EPHB2: variants seen among roughly 807,000 people sequenced by gnomAD.
EPHB2 encodes ephrin type-B receptor 2.
In EPHB2, 18 loss-of-function variants were observed where a neutral mutation model predicts 96.4. That is an observed-to-expected ratio of 0.19 (90% CI 0.13 to 0.28). The LOEUF is 0.28. Among genes scored for constraint, EPHB2 ranks in the 10% least tolerant of loss-of-function variants. The probability of loss-of-function intolerance (pLI) is 1.00; values close to 1 mark genes in which losing one functional copy is unlikely to be tolerated. For missense variants in EPHB2, 989 were observed against 1,355.4 expected (o/e 0.73, Z 4.25); for synonymous variants, 506 against 534.1 (o/e 0.95, Z 0.72).
chr1:22,866,109 C>T (rs767379359), intron 5 of EPHB2, among the ~76,000 whole-genome samples: 2 of 152,198 alleles, frequency 1.3e-5, no homozygotes, highest in Non-Finnish European at 2.9e-5. Context: ...CTCATCCCCC[C>T]ACCTGAGGGC....
In EPHB2 at chr1:22,914,894, G is replaced by A. The variant is rs1441435087; in HGVS notation, c.*1324G>A. ...GATTGAGGAGGAAGTGGGCTCTGAG[G>A]CTGCAGGGCTGGAAGTCCTTGCCCA... On this transcript the variant is annotated 3_prime_UTR_variant, in exon 16 of 16. Transcript: ENST00000374630. The A allele has an allele frequency of 6.6e-6, 1 of 152,572 alleles. No individual in the cohort carries two copies. Among genetic ancestry groups the A allele is most frequent in the Non-Finnish European group, 1.5e-5 (1 of 68,046 alleles). 9.5% of individuals were successfully genotyped at this position (152,572 alleles called of 1,614,324 possible).
rs1639936881 is a variant in EPHB2 at position 22,906,954 on chromosome 1, C to G, written c.2133C>G (p.Leu711=). 1.2e-6 allele frequency: 2 copies of G among 1,607,284 alleles called. No individual in the cohort carries two copies. The highest frequency in any genetic ancestry group is 1.7e-6 in the Non-Finnish European group (2 of 1,175,112). Residue 711 remains leucine (L), a synonymous_variant, in exon 11 of 16, where the codon CTC becomes CTG. Coordinates refer to ENST00000374630, the MANE Select transcript of EPHB2 (RefSeq NM_017449.5). The surrounding 1 kb of genome is among the most constrained non-coding windows in gnomAD (Gnocchi z 4.8). ...AGAATGGCTCCCTGGACTCCTTTCTCCGGGTAGGGGAAGCCAAGAGGGCCA... is the reference window on the plus strand; with the variant it reads ...AGAATGGCTCCCTGGACTCCTTTCTGCGGGTAGGGGAAGCCAAGAGGGCCA... ...FMENGSLDSF[L]RQNDGQFTVI...
At chr1:22,864,260 G>T (rs1193817095) in intron 4 of EPHB2, among the ~76,000 whole-genome samples, 3 of 152,068 alleles carry the variant, frequency 2.0e-5, no homozygotes, top group Admixed American at 1.3e-4. Flanking sequence ...TGGCCAGGCT[G>T]GTCTTGAACT....
intron 3 of EPHB2, among the ~76,000 whole-genome samples, chr1:22,827,818 G>C (rs145926441): frequency 6.6e-6 from 1 of 152,214 alleles, no homozygotes; most frequent in Admixed American, 6.5e-5. Context: ...AAATGGCTCC[G>C]CCAGGACTCA....
intron 1 of EPHB2, among the ~76,000 whole-genome samples, chr1:22,718,379 C>CTTTTTTT (rs5773014): frequency 3.7e-5 from 3 of 81,466 alleles, no homozygotes; most frequent in African/African-American, 8.7e-5. Context: ...GCTGTCAATT[C>CTTTTTTT]TTTTTTTTTT....
intron 3 of EPHB2, among the ~76,000 whole-genome samples, chr1:22,787,851 G>T (rs1038403481): frequency 2.6e-5 from 4 of 152,218 alleles, no homozygotes; most frequent in African/African-American, 9.6e-5. Context: ...TGCACTCAAG[G>T]TGTGGCCTGG....
chr1:22,827,772 G>A (rs988319119), intron 3 of EPHB2, among the ~76,000 whole-genome samples: 3 of 152,222 alleles, frequency 2.0e-5, no homozygotes, highest in South Asian at 4.1e-4. Flanking sequence ...AGTGCTACCT[G>A]CTAACCCTCC....
At chr1:22,910,301 C>T in intron 13 of EPHB2, 81 bp from the exon 14 acceptor site, 1 of 1,564,726 alleles carries the variant, frequency 6.4e-7, no homozygotes, top group Non-Finnish European at 8.8e-7. Flanking sequence ...GTGCAATGTA[C>T]TGGGGGTAAG....
intron 3 of EPHB2, chr1:22,836,582 G>C (rs1368632692): frequency 6.6e-6 from 1 of 152,276 alleles, no homozygotes; most frequent in South Asian, 2.1e-4. Context: ...AATTGAACTT[G>C]ACCTTCTGGG....
At chr1:22,902,321 G>C (rs1397770175) in intron 9 of EPHB2, among the ~76,000 whole-genome samples, 2 of 152,198 alleles carry the variant, frequency 1.3e-5, no homozygotes, top group Non-Finnish European at 1.5e-5. Context: ...AAAGTGCCTA[G>C]AACAAGGCCT....
At chr1:22,829,080 T>G (rs1645264715) in intron 3 of EPHB2, among the ~76,000 whole-genome samples, 1 of 152,264 alleles carries the variant, frequency 6.6e-6, no homozygotes, top group East Asian at 1.9e-4. Context: ...AATTAGAGAT[T>G]GTGAGTGCTG....
chr1:22,748,650 G>A (rs1169584439), intron 1 of EPHB2, among the ~76,000 whole-genome samples: 1 of 151,666 alleles, frequency 6.6e-6, no homozygotes, highest in Non-Finnish European at 1.5e-5. Context: ...AAAGTGCTGA[G>A]ATTACAGGCG....
Position 22,913,930 on chromosome 1 carries a change from A to C in EPHB2, c.*360A>C. Reference sequence around the variant, plus strand: ...TCGGAGACAAAAGCAGTTTCTCTCCAACTCCCTCTGGGAAGGTGACCTGGC... The same window carrying C: ...TCGGAGACAAAAGCAGTTTCTCTCCCACTCCCTCTGGGAAGGTGACCTGGC... On this transcript the variant is annotated 3_prime_UTR_variant, in exon 16 of 16. Coordinates refer to ENST00000374630, the MANE Select transcript of EPHB2 (RefSeq NM_017449.5). The surrounding 1 kb of genome is among the most constrained non-coding windows in gnomAD (Gnocchi z 4.1). 2.0e-6 allele frequency: 3 copies of C among 1,493,010 alleles called. No individual in the cohort carries two copies. The highest frequency in any genetic ancestry group is 2.7e-6 in the Non-Finnish European group (3 of 1,122,358). The allele number at this position is 1,493,010 out of a possible 1,614,324, so 92.5% of individuals were successfully genotyped here. A position where few individuals can be genotyped will look rare whatever the true frequency, so the allele number is the denominator to read the frequency against.
intron 14 of EPHB2, among the ~76,000 whole-genome samples, chr1:22,911,088 T>G (rs1370198165): frequency 6.6e-6 from 1 of 151,588 alleles, no homozygotes; most frequent in Non-Finnish European, 1.5e-5. Flanking sequence ...TGCAGTGAGC[T>G]GAGATCGTGC....
In EPHB2 at chr1:22,912,591, G is replaced by A; in HGVS notation, c.2844G>A (p.Met948Ile). 7 of 1,613,858 alleles carry A rather than the reference G, an allele frequency of 4.3e-6. No homozygotes were observed. The highest frequency in any genetic ancestry group is 5.9e-6 in the Non-Finnish European group (7 of 1,180,014). Reference sequence around the variant, plus strand: ...CCTCCTTTGACGTCGTGTCTCAGATGATGATGGAGTAAGTGCCCAGCCACT... The same window carrying A: ...CCTCCTTTGACGTCGTGTCTCAGATAATGATGGAGTAAGTGCCCAGCCACT... Reference protein sequence around the residue: ...GFTSFDVVSQMMMEDILRVGV... With the variant: ...GFTSFDVVSQIMMEDILRVGV... Residue 948 changes from methionine to isoleucine, a missense_variant, in exon 15 of 16, where the codon ATG becomes ATA. Physicochemically the swap from Met to Ile is conservative, Grantham distance 10 (BLOSUM62 1). Coordinates refer to ENST00000374630, the MANE Select transcript of EPHB2 (RefSeq NM_017449.5).
intron 1 of EPHB2, among the ~76,000 whole-genome samples, chr1:22,766,623 G>C (rs1349692013): frequency 2.0e-5 from 3 of 152,178 alleles, no homozygotes. Context: ...GTGGTTGGGG[G>C]GAGGAGAGGG....
intron 5 of EPHB2, among the ~76,000 whole-genome samples, chr1:22,877,204 T>C (rs1284395570): frequency 6.6e-6 from 1 of 152,212 alleles, no homozygotes. Flanking sequence ...TGAGCCTGGT[T>C]TGAATCCCAG....
At chr1:22,910,946 T>C (rs1050637818) in intron 14 of EPHB2, among the ~76,000 whole-genome samples, 2 of 152,122 alleles carry the variant, frequency 1.3e-5, no homozygotes, top group Admixed American at 6.5e-5. Flanking sequence ...AAGACTAGCC[T>C]GGCCAACATG....
At chr1:22,807,920 G>A (rs1392446114) in intron 3 of EPHB2, among the ~76,000 whole-genome samples, 1 of 152,170 alleles carries the variant, frequency 6.6e-6, no homozygotes, top group Non-Finnish European at 1.5e-5. Context: ...GATTAGCTGA[G>A]GTCAGGAGTT....
Sources: gnomAD v4.1 joint callset for allele counts (sites outside exome capture counted in the v4.1 genomes callset) on GRCh38, gnomAD v4.1.1 for gene constraint, Gnocchi (gnomAD v3.1) non-coding constraint, MANE v1.5 for transcripts, NCBI Gene and HGNC (gene_info 2026-07-23, HGNC 2026-07-21) for gene names.